DIXDC1: variants seen among roughly 807,000 people sequenced by gnomAD.
The protein encoded by DIXDC1 is DIX domain containing 1.
In DIXDC1, 64 loss-of-function variants were observed where a neutral mutation model predicts 103.1. The ratio of observed to expected loss-of-function variants is 0.62; its 90% confidence interval spans 0.51 to 0.76. The LOEUF (loss-of-function observed/expected upper bound fraction) is 0.76, where lower values mean the gene tolerates loss of function less well. Among genes scored for constraint, DIXDC1 ranks in the 30% least tolerant of loss-of-function variants. The pLI is 0.00. For missense variants in DIXDC1, 759 were observed against 834.2 expected (o/e 0.91, Z 1.11); for synonymous variants, 266 against 298.5 (o/e 0.89, Z 1.12).
chr11:111,981,801 T>G (rs1860315866), intron 6 of DIXDC1, among the ~76,000 whole-genome samples: 1 of 152,180 alleles, frequency 6.6e-6, no homozygotes, highest in Admixed American at 6.5e-5. Context: ...ACCTTAAAGC[T>G]AGGAAAATAA....
chr11:111,929,764 A>ATT (rs5794769), intron 1 of DIXDC1: 4,389 of 1,127,942 alleles, frequency 3.9e-3, no homozygotes, highest in East Asian at 7.1e-3. Flanking sequence ...TGAGCTTTAA[A>ATT]TTTTTTTTTT....
At chr11:112,006,726 G>A (rs1226719257) in intron 17 of DIXDC1, among the ~76,000 whole-genome samples, 2 of 152,224 alleles carry the variant, frequency 1.3e-5, no homozygotes, top group African/African-American at 2.4e-5. Flanking sequence ...CTGACTGTTA[G>A]AAGGAAAACT....
At chr11:111,946,463 A>G (rs1473817261) in intron 1 of DIXDC1, among the ~76,000 whole-genome samples, 3 of 152,078 alleles carry the variant, frequency 2.0e-5, no homozygotes, top group African/African-American at 4.8e-5. Context: ...ACCTCAAGCT[A>G]TCTGCCCACC....
rs1353441420 is a variant in DIXDC1, at chr11:111,929,949, G to A, written c.57+39G>A. The A allele has an allele frequency of 7.9e-6, 12 of 1,515,258 alleles. No homozygotes were observed. In the African/African-American group the frequency reaches 1.2e-4, roughly 16 times the overall value. The allele number at this position is 1,515,258 out of a possible 1,614,324, so 93.9% of individuals were successfully genotyped here. ...GTACTATTGTGAAAAGCGTGATGAT[G>A]TTACTGGAATTTCAATACAGTTCTA... On this transcript the variant is annotated intron_variant, in intron 2 of 5. Transcript: ENST00000529225.
At chr11:111,940,167 C>A (rs1300235029) in intron 1 of DIXDC1, among the ~76,000 whole-genome samples, 2 of 152,236 alleles carry the variant, frequency 1.3e-5, no homozygotes, top group African/African-American at 4.8e-5. Flanking sequence ...CTGTTGGCTT[C>A]TGTTCTCAAT....
chr11:111,951,968 C>A (rs73560072), intron 1 of DIXDC1, among the ~76,000 whole-genome samples: 5 of 151,436 alleles, frequency 3.3e-5, no homozygotes, highest in African/African-American at 1.2e-4. Flanking sequence ...TAGGTTCAAG[C>A]GGTTCTCCTA....
At chr11:111,946,111 ATTT>A (rs782364929) in intron 1 of DIXDC1, among the ~76,000 whole-genome samples, 5 of 98,492 alleles carry the variant, frequency 5.1e-5, no homozygotes, top group Non-Finnish European at 4.5e-5. Context: ...TAATTTTTGT[ATTT>A]TTTTTTTTTT....
chr11:112,003,733 G>A (rs1406409850), intron 17 of DIXDC1, among the ~76,000 whole-genome samples: 1 of 151,946 alleles, frequency 6.6e-6, no homozygotes, highest in Non-Finnish European at 1.5e-5. Context: ...GGGAGGTGGA[G>A]GTTGCGGTGA....
At chr11:112,001,753 GA>G (rs1239242214) in intron 17 of DIXDC1, among the ~76,000 whole-genome samples, 1 of 148,362 alleles carries the variant, frequency 6.7e-6, no homozygotes, top group Non-Finnish European at 1.5e-5. Flanking sequence ...ATTCAGCTGA[GA>G]TTTTTTTTTT....
chr11:111,949,455 C>A (rs1404338901), intron 1 of DIXDC1, among the ~76,000 whole-genome samples: 1 of 152,228 alleles, frequency 6.6e-6, no homozygotes, highest in Non-Finnish European at 1.5e-5. Context: ...TATCAGTCAT[C>A]TCTGGCTTGT....
chr11:111,959,305 C>T (rs1555170856), intron 1 of DIXDC1, among the ~76,000 whole-genome samples: 1 of 152,236 alleles, frequency 6.6e-6, no homozygotes, highest in African/African-American at 2.4e-5. Context: ...AGGGCTGTGA[C>T]ACCCTCTTTT....
intron 7 of DIXDC1, among the ~76,000 whole-genome samples, chr11:111,984,125 T>C (rs782316568): frequency 6.6e-6 from 1 of 152,230 alleles, no homozygotes; most frequent in Admixed American, 6.5e-5. Context: ...CATTTTTCAG[T>C]CTTTCACTGA....
intron 17 of DIXDC1, among the ~76,000 whole-genome samples, chr11:112,005,999 C>T (rs931712763): frequency 3.3e-5 from 5 of 152,204 alleles, no homozygotes; most frequent in Non-Finnish European, 5.9e-5. Flanking sequence ...ACCCAGGAAG[C>T]GCAAGGCGTT....
chr11:111,999,027 A>G (rs78820189), intron 17 of DIXDC1, among the ~76,000 whole-genome samples: 1,653 of 152,328 alleles, frequency 0.011, 33 homozygotes, highest in African/African-American at 0.038. Context: ...TGTTAATGTC[A>G]CTGAATCTTA....
intron 5 of DIXDC1, among the ~76,000 whole-genome samples, chr11:111,979,021 G>A (rs12361816): frequency 3.9e-5 from 6 of 152,152 alleles, no homozygotes; most frequent in South Asian, 2.1e-4. Context: ...TTGCTATTTC[G>A]GAATATCACT....
chr11:111,988,802 A>G, intron 9 of DIXDC1: 1 of 394,302 alleles, frequency 2.5e-6, no homozygotes. Flanking sequence ...GGGTGCCAAC[A>G]GGGAAGAACG....
chr11:111,997,101 A>G (rs1483598628), intron 17 of DIXDC1, among the ~76,000 whole-genome samples: 1 of 152,234 alleles, frequency 6.6e-6, no homozygotes, highest in Non-Finnish European at 1.5e-5. Flanking sequence ...ATCAAAAGGT[A>G]TCTAATAATT....
At chr11:111,999,824 G>A (rs1861011886) in intron 17 of DIXDC1, among the ~76,000 whole-genome samples, 1 of 151,094 alleles carries the variant, frequency 6.6e-6, no homozygotes, top group South Asian at 2.1e-4. Flanking sequence ...GCTCCAGCCT[G>A]GGTGATAGAG....
In DIXDC1 at chr11:111,958,648, G is replaced by A. The variant is rs1859469236; in HGVS notation, c.61-5901G>A. ...GGCAGACAGGCTCCTGTGTGGAAAG[G>A]GGCGGGTTCCCGGTGAAGCCCCACC... On this transcript the variant is annotated intron_variant, in intron 1 of 19. Coordinates refer to ENST00000440460, the MANE Select transcript of DIXDC1 (RefSeq NM_001037954.4). The surrounding 1 kb of genome is among the most constrained non-coding windows in gnomAD (Gnocchi z 4.2). Among the ~76,000 whole-genome samples the A allele has an allele frequency of 6.6e-6, 1 of 152,198 alleles. No individual in the cohort carries two copies. Among genetic ancestry groups the A allele is most frequent in the Admixed American group, 6.5e-5 (1 of 15,286 alleles).
Sources: gnomAD v4.1 joint callset for allele counts (sites outside exome capture counted in the v4.1 genomes callset) on GRCh38, gnomAD v4.1.1 for gene constraint, Gnocchi (gnomAD v3.1) non-coding constraint, MANE v1.5 for transcripts, NCBI Gene and HGNC (gene_info 2026-07-23, HGNC 2026-07-21) for gene names.